The following TAFA1 variants were observed in gnomAD, a reference collection of about 807,000 sequenced individuals.
TAFA1 encodes chemokine-like protein TAFA-1.
A neutral mutation model predicts 18.5 loss-of-function variants in TAFA1; 4 were observed. That is an observed-to-expected ratio of 0.22 (90% CI 0.11 to 0.49). TAFA1 has a LOEUF of 0.49. Among genes scored for constraint, TAFA1 ranks in the 20% least tolerant of loss-of-function variants. The probability of loss-of-function intolerance (pLI) is 0.98; values close to 1 mark genes in which losing one functional copy is unlikely to be tolerated. For missense variants in TAFA1, 147 were observed against 169.0 expected (o/e 0.87, Z 0.72); for synonymous variants, 56 against 55.2 (o/e 1.01, Z -0.06).
At chr3:68,044,379 G>A (rs780437436) in intron 2 of TAFA1, among the ~76,000 whole-genome samples, 1 of 152,226 alleles carries the variant, frequency 6.6e-6, no homozygotes, top group South Asian at 2.1e-4. Context: ...GAGTGAAAAC[G>A]TGGTAAGCAG....
At chr3:68,123,587 A>T (rs993528074) in intron 2 of TAFA1, among the ~76,000 whole-genome samples, 2 of 152,108 alleles carry the variant, frequency 1.3e-5, no homozygotes, top group African/African-American at 4.8e-5. Flanking sequence ...TGCCCTTGAT[A>T]GTTTTCATTA....
At chr3:68,189,022 C>A (rs910566145) in intron 2 of TAFA1, among the ~76,000 whole-genome samples, 1 of 151,734 alleles carries the variant, frequency 6.6e-6, no homozygotes, top group Non-Finnish European at 1.5e-5. Context: ...GGTACACTAA[C>A]GATTATGTTC....
intron 2 of TAFA1, among the ~76,000 whole-genome samples, chr3:68,070,303 G>T (rs994627795): frequency 6.6e-6 from 1 of 152,192 alleles, no homozygotes; most frequent in Non-Finnish European, 1.5e-5. Flanking sequence ...TAAGACTTGG[G>T]ACTTGCACCC....
intron 2 of TAFA1, among the ~76,000 whole-genome samples, chr3:68,199,427 T>C (rs887187560): frequency 6.6e-6 from 1 of 151,554 alleles, no homozygotes; most frequent in African/African-American, 2.4e-5. Context: ...TGGGATTACA[T>C]TGAAATTATA....
chr3:68,385,979 G>A (rs557752144), intron 2 of TAFA1, among the ~76,000 whole-genome samples: 2 of 152,042 alleles, frequency 1.3e-5, no homozygotes, highest in African/African-American at 4.8e-5. Flanking sequence ...TAATATATTA[G>A]TGTTAACTCT....
chr3:68,046,877 A>T (rs1282896850), intron 2 of TAFA1, among the ~76,000 whole-genome samples: 2 of 152,192 alleles, frequency 1.3e-5, no homozygotes, highest in African/African-American at 4.8e-5. Flanking sequence ...GTTAAGCCTG[A>T]TGATATTAGT....
intron 2 of TAFA1, among the ~76,000 whole-genome samples, chr3:68,102,536 C>T (rs2065160102): frequency 6.6e-6 from 1 of 152,142 alleles, no homozygotes; most frequent in African/African-American, 2.4e-5. Flanking sequence ...TTTTCCCATA[C>T]TGAATTCCTG....
At chr3:68,210,696 A>G (rs1230349524) in intron 2 of TAFA1, among the ~76,000 whole-genome samples, 2 of 152,054 alleles carry the variant, frequency 1.3e-5, no homozygotes, top group Non-Finnish European at 2.9e-5. Flanking sequence ...CTACTGATGC[A>G]GCTCCTGCTG....
At chr3:68,110,416 T>G (rs1390873602) in intron 2 of TAFA1, among the ~76,000 whole-genome samples, 1 of 152,214 alleles carries the variant, frequency 6.6e-6, no homozygotes, top group Non-Finnish European at 1.5e-5. Flanking sequence ...TCTTCTATTG[T>G]GAATAGTGCT....
chr3:68,517,169 A>G lies in TAFA1; in HGVS notation c.260-21587A>G, dbSNP rs115818025. ...CATGTCTTCAACACCTCTCAAAAAT[A>G]TATTCATCTCCAACTTCTTAAAAGA... On this transcript the variant is annotated intron_variant, in intron 3 of 4. Transcript: ENST00000478136. 8.2e-3 allele frequency among the ~76,000 whole-genome samples: 1,252 copies of G among 152,292 alleles called. 13 individuals carry two copies. The highest frequency in any genetic ancestry group is 0.029 in the African/African-American group (1,187 of 41,554).
intron 2 of TAFA1, among the ~76,000 whole-genome samples, chr3:68,324,314 T>G (rs911951912): frequency 6.6e-6 from 1 of 152,238 alleles, no homozygotes; most frequent in African/African-American, 2.4e-5. Flanking sequence ...ACCATGGCCA[T>G]AGATGTTAGA....
At chr3:68,337,046 T>C (rs2068982152) in intron 2 of TAFA1, among the ~76,000 whole-genome samples, 1 of 152,194 alleles carries the variant, frequency 6.6e-6, no homozygotes. Flanking sequence ...TTTAGATTAG[T>C]TGGAGTATTA....
intron 3 of TAFA1, among the ~76,000 whole-genome samples, chr3:68,430,636 C>G (rs1425555043): frequency 2.0e-5 from 3 of 151,908 alleles, no homozygotes; most frequent in Non-Finnish European, 4.4e-5. Flanking sequence ...CAACAGATTT[C>G]AAAACCTCTA....
chr3:68,305,914 A>G (rs1421057079), intron 2 of TAFA1, among the ~76,000 whole-genome samples: 1 of 152,214 alleles, frequency 6.6e-6, no homozygotes, highest in African/African-American at 2.4e-5. Flanking sequence ...AGGCAGCTGT[A>G]AGTATTAAAT....
intron 2 of TAFA1, among the ~76,000 whole-genome samples, chr3:68,270,856 A>G (rs2067652323): frequency 1.3e-5 from 2 of 152,190 alleles, no homozygotes; most frequent in Non-Finnish European, 2.9e-5. Flanking sequence ...GGGGGCATTT[A>G]GCATACATGA....
rs2073427297 is a variant in TAFA1, at chr3:68,544,602, A to T, written c.*99A>T. The T allele has an allele frequency of 8.0e-7, 1 of 1,243,894 alleles. No homozygotes were observed. The highest frequency in any genetic ancestry group is 1.2e-6 in the Non-Finnish European group (1 of 858,696). 77.1% of individuals were successfully genotyped at this position (1,243,894 alleles called of 1,614,324 possible). A position where few individuals can be genotyped will look rare whatever the true frequency, so the allele number is the denominator to read the frequency against. On this transcript the variant is annotated 3_prime_UTR_variant, in exon 5 of 5. Coordinates refer to ENST00000478136, the MANE Select transcript of TAFA1 (RefSeq NM_213609.4). ...TATATACAAGCCAAATGGATTTCTTACTTGCACTTTGACTGGCTACCAGAT... is the reference window on the plus strand; with the variant it reads ...TATATACAAGCCAAATGGATTTCTTTCTTGCACTTTGACTGGCTACCAGAT...
At chr3:68,293,289 C>A (rs1211871971) in intron 2 of TAFA1, among the ~76,000 whole-genome samples, 3 of 152,162 alleles carry the variant, frequency 2.0e-5, no homozygotes, top group African/African-American at 7.2e-5. Flanking sequence ...GATTAAGAAT[C>A]TCTCTAGATG....
chr3:68,525,665 T>G (rs1022708877), intron 3 of TAFA1, among the ~76,000 whole-genome samples: 18 of 152,184 alleles, frequency 1.2e-4, no homozygotes, highest in African/African-American at 4.3e-4. Flanking sequence ...ATTTTGCCAT[T>G]TCAAATATAG....
chr3:68,471,760 A>G (rs1203574946), intron 3 of TAFA1, among the ~76,000 whole-genome samples: 1 of 152,134 alleles, frequency 6.6e-6, no homozygotes, highest in African/African-American at 2.4e-5. Context: ...TCACAGACAC[A>G]CCAAGGAACA....
Sources: gnomAD v4.1 joint callset for allele counts (sites outside exome capture counted in the v4.1 genomes callset) on GRCh38, gnomAD v4.1.1 for gene constraint, MANE v1.5 for transcripts, NCBI Gene and HGNC (gene_info 2026-07-23, HGNC 2026-07-21) for gene names.